The following KIF12 variants were observed in gnomAD, a reference collection of about 807,000 sequenced individuals.
KIF12 encodes the protein kinesin-like protein KIF12.
In KIF12, 80 loss-of-function variants were observed where a neutral mutation model predicts 87.9. The observed-to-expected ratio is 0.91, with a 90% confidence interval of 0.76 to 1.10. KIF12 has a LOEUF of 1.10. Among genes scored for constraint, KIF12 ranks in the 50% least tolerant of loss-of-function variants. KIF12 has a pLI of 0.00. For missense variants in KIF12, 819 were observed against 865.3 expected (o/e 0.95, Z 0.67); for synonymous variants, 353 against 348.5 (o/e 1.01, Z -0.14).
At position 114,091,922 on chromosome 9, in the gene KIF12, C is replaced by A. The variant is rs200697165; in HGVS notation, c.1895G>T (p.Arg632Leu). Residue 632 changes from arginine (R) to leucine (L), a missense_variant, in exon 19 of 19, where the codon CGC becomes CTC. Coordinates refer to ENST00000640217, the MANE Select transcript of KIF12 (RefSeq NM_001388308.1). ...DQIGSSLRRGRSQPPCSEGAR... is the reference protein window; with the variant it reads ...DQIGSSLRRGLSQPPCSEGAR... ...GCCCTCACTGCAGGGTGGCTGGCTG[C>A]GGCCACGTCGCAGGGAGCTGCCAAT... 2 of 1,612,474 alleles carry A rather than the reference C, an allele frequency of 1.2e-6. No homozygotes were observed. Among genetic ancestry groups the A allele is most frequent in the African/African-American group, 2.7e-5 (2 of 74,896 alleles).
At position 114,098,352 on chromosome 9, in the gene KIF12, G is replaced by C. The variant is rs1455008565; in HGVS notation, c.249C>G (p.Asp83Glu). Residue 83 changes from aspartate to glutamate, a missense_variant, in exon 4 of 19, where the codon GAC (aspartate) becomes GAG (glutamate). Asp to Glu is a conservative substitution (Grantham distance 45, BLOSUM62 2). Coordinates refer to ENST00000640217, the MANE Select transcript of KIF12 (RefSeq NM_001388308.1). Reference sequence around the variant, plus strand: ...GCCGCACGCCGCACGCCCGGAACACGTCCTCCTGCGTGCGCGCCGCGTCTA... The same window carrying C: ...GCCGCACGCCGCACGCCCGGAACACCTCCTCCTGCGTGCGCGCCGCGTCTA... ...AVLDAARTQE[D>E]VFRACGVRRL... is the part of the protein sequence containing the mutation. The C allele has an allele frequency of 1.3e-6, 2 of 1,497,884 alleles. No homozygotes were observed. Among genetic ancestry groups the C allele is most frequent in the African/African-American group, 2.9e-5 (2 of 68,192 alleles). The allele number at this position is 1,497,884 out of a possible 1,614,324, so 92.8% of individuals were successfully genotyped here.
chr9:114,098,844 GA>G, intron 3 of KIF12, 90 bp downstream of exon 3: 1 of 1,424,050 alleles, frequency 7.0e-7, no homozygotes. Context: ...CACTCCGGGG[GA>G]GCGCGGGGCC....
At position 114,098,397 on chromosome 9, in the gene KIF12, C is replaced by T. The variant is rs962677750; in HGVS notation, c.204G>A (p.Ala68=). The change falls in exon 4 of 19, where the codon GCG becomes GCA. Residue 68 remains alanine, a synonymous_variant. Transcript: ENST00000640217. ...VSPPGGGPEV[A]FRFGAVLDAA... Reference sequence around the variant, plus strand: ...CGTCTAGCACCGCACCGAAGCGGAACGCCACTTCTGGACCCCCGCCTGGAG... The same window carrying T: ...CGTCTAGCACCGCACCGAAGCGGAATGCCACTTCTGGACCCCCGCCTGGAG... 58 of 1,512,312 alleles carry T rather than the reference C, an allele frequency of 3.8e-5. No homozygotes were observed. Among genetic ancestry groups the T allele is most frequent in the Non-Finnish European group, 4.7e-5 (54 of 1,136,912 alleles). The allele number at this position is 1,512,312 out of a possible 1,614,324, so 93.7% of individuals were successfully genotyped here. A position where few individuals can be genotyped will look rare whatever the true frequency, so the allele number is the denominator to read the frequency against.
Position 114,099,159 on chromosome 9 carries a change from G to C in KIF12, c.37C>G (p.Arg13Gly). The C allele has an allele frequency of 6.4e-7, 1 of 1,550,656 alleles. No individual in the cohort carries two copies. The highest frequency in any genetic ancestry group is 8.7e-7 in the Non-Finnish European group (1 of 1,147,024). Reference sequence around the variant, plus strand: ...CCCTCTGGCCCTTGCTCCAGGCTCCGCGCGAGATCCCTGTGGGCAGCAATG... The same window carrying C: ...CCCTCTGGCCCTTGCTCCAGGCTCCCCGCGAGATCCCTGTGGGCAGCAATG... ...ERGSPDGDLA[R>G]SLEQGPEGPE... Residue 13 changes from arginine to glycine, a missense_variant, in exon 2 of 19, where the codon CGG becomes GGG. Coordinates refer to ENST00000640217, the MANE Select transcript of KIF12 (RefSeq NM_001388308.1).
Position 114,092,650 on chromosome 9 carries a change from A to G in KIF12, c.1597-8T>C, listed in dbSNP as rs1178828644. 1 of 1,578,592 alleles carries G rather than the reference A, an allele frequency of 6.3e-7. No homozygotes were observed. On this transcript the variant is annotated splice_region_variant and splice_polypyrimidine_tract_variant and intron_variant, in intron 16 of 18. Transcript: ENST00000640217. Reference sequence around the variant, plus strand: ...GGCCTCAGGGTCCAACACCTGTAGGAAAGACCAGAGTCCACTCTGGGTGAC... The same window carrying G: ...GGCCTCAGGGTCCAACACCTGTAGGGAAGACCAGAGTCCACTCTGGGTGAC...
chr9:114,097,368 G>C lies in KIF12; in HGVS notation c.579C>G (p.Phe193Leu). Residue 193 changes from phenylalanine (F) to leucine (L), a missense_variant, in exon 7 of 19, where the codon TTC becomes TTG. Physicochemically the swap from Phe to Leu is conservative, Grantham distance 22. Transcript: ENST00000640217. ...CCACCACCCGCAGCTGCTCCACATA[G>C]AAGCCCCGAGTCTTGTTCCAGCGAA... ...LPVRWNKTRG[F>L]YVEQLRVVEF... is the part of the protein sequence containing the mutation. The C allele has an allele frequency of 1.2e-6, 2 of 1,609,710 alleles. No homozygotes were observed. Among genetic ancestry groups the C allele is most frequent in the Non-Finnish European group, 1.7e-6 (2 of 1,178,986 alleles).
intron 3 of KIF12, 29 bp from the exon 4 acceptor site, chr9:114,098,458 C>A (rs1847333573): frequency 6.8e-6 from 10 of 1,477,502 alleles, no homozygotes; most frequent in East Asian, 5.3e-5. Flanking sequence ...AGGAGCGGGG[C>A]ACTCTGGAGG....
chr9:114,094,021 G>C, intron 13 of KIF12, 49 bp from the exon 14 acceptor site: 1 of 1,540,406 alleles, frequency 6.5e-7, no homozygotes, highest in Non-Finnish European at 9.0e-7. Context: ...GGCTGGGGTG[G>C]GGCATCAGTC....
intron 14 of KIF12, 133 bp downstream of exon 14, chr9:114,093,753 T>A (rs910344383): frequency 2.9e-5 from 22 of 751,270 alleles, no homozygotes; most frequent in Non-Finnish European, 4.0e-5. Flanking sequence ...ACACAGCTAG[T>A]AGGTGGCAGA....
Position 114,098,108 on chromosome 9 carries a change from C to A in KIF12, c.375+7G>T. The A allele has an allele frequency of 1.9e-6, 3 of 1,544,718 alleles. No individual in the cohort carries two copies. In the South Asian group the frequency reaches 3.6e-5, roughly 18 times the overall value. On this transcript the variant is annotated splice_region_variant and intron_variant, in intron 5 of 18. Coordinates refer to ENST00000640217, the MANE Select transcript of KIF12 (RefSeq NM_001388308.1). ...GCCCCGCGGGGGCGCCGCCGGCGCT[C>A]GCTCACCTGGGGAGGGGGTCCAGTC...
chr9:114,098,330 G>A lies in KIF12; in HGVS notation c.271C>T (p.Arg91Trp), dbSNP rs1776649298. The A allele has an allele frequency of 6.8e-7, 1 of 1,472,604 alleles. No individual in the cohort carries two copies. Among genetic ancestry groups the A allele is most frequent in the Admixed American group, 2.7e-5 (1 of 37,624 alleles). 91.2% of individuals were successfully genotyped at this position (1,472,604 alleles called of 1,614,324 possible). A position where few individuals can be genotyped will look rare whatever the true frequency, so the allele number is the denominator to read the frequency against. ...CGCAGCGCCAGCTCCCCCAGGCGCCGCACGCCGCACGCCCGGAACACGTCC... is the reference window on the plus strand; with the variant it reads ...CGCAGCGCCAGCTCCCCCAGGCGCCACACGCCGCACGCCCGGAACACGTCC... Reference protein sequence around the residue: ...QEDVFRACGVRRLGELALRGF... With the variant: ...QEDVFRACGVWRLGELALRGF... The change falls in exon 4 of 19, where the codon CGG becomes TGG. Residue 91 changes from arginine (R) to tryptophan (W), a missense_variant. Arg to Trp is a moderately radical substitution (Grantham distance 101). Transcript: ENST00000640217.
rs1847327265 is a variant in KIF12 at position 114,098,358 on chromosome 9, C to T, written c.243G>A (p.Gln81=). 1.3e-6 allele frequency: 2 copies of T among 1,498,538 alleles called. No individual in the cohort carries two copies. The highest frequency in any genetic ancestry group is 1.5e-5 in the African/African-American group (1 of 68,072). 92.8% of individuals were successfully genotyped at this position (1,498,538 alleles called of 1,614,324 possible). Residue 81 remains glutamine (Q), a synonymous_variant, in exon 4 of 19, where the codon CAG becomes CAA. Transcript: ENST00000640217. ...FGAVLDAART[Q]EDVFRACGVR... ...CGCCGCACGCCCGGAACACGTCCTC[C>T]TGCGTGCGCGCCGCGTCTAGCACCG...
rs1188600447 is a variant in KIF12 at position 114,092,006 on chromosome 9, G to A, written c.1817-6C>T. 6 of 1,608,976 alleles carry A rather than the reference G, an allele frequency of 3.7e-6. No individual in the cohort carries two copies. Among genetic ancestry groups the A allele is most frequent in the Non-Finnish European group, 5.1e-6 (6 of 1,178,010 alleles). ...GTTTGGAACCCCGGCCCCACCTAAG[G>A]AGCAGTGAGACTCGAGGCCTGCCCT... On this transcript the variant is annotated splice_polypyrimidine_tract_variant and splice_region_variant and intron_variant, in intron 18 of 18. Transcript: ENST00000640217.
chr9:114,093,784 G>A, intron 14 of KIF12, 102 bp downstream of exon 14: 1 of 973,756 alleles, frequency 1.0e-6, no homozygotes, highest in South Asian at 1.4e-5. Context: ...GAACCTAGTT[G>A]GTCTGAATCC....
At chr9:114,098,566 A>T in intron 3 of KIF12, 137 bp from the exon 4 acceptor site, 1 of 374,428 alleles carries the variant, frequency 2.7e-6, no homozygotes, top group Non-Finnish European at 4.3e-6. Context: ...CACCCTGGAG[A>T]AGGGTAGGGC....
chr9:114,095,773 G>A (rs1847199419), intron 9 of KIF12, among the ~76,000 whole-genome samples: 1 of 152,158 alleles, frequency 6.6e-6, no homozygotes, highest in Non-Finnish European at 1.5e-5. Flanking sequence ...CATGCCAAAT[G>A]TCTCTGAGGG....
intron 11 of KIF12, among the ~76,000 whole-genome samples, 157 bp downstream of exon 11, chr9:114,094,866 C>A (rs1847146694): frequency 6.6e-6 from 1 of 152,184 alleles, no homozygotes; most frequent in Non-Finnish European, 1.5e-5. Flanking sequence ...GACCCTGACC[C>A]CATCCTATAC....
intron 18 of KIF12, 35 bp downstream of exon 18, chr9:114,092,298 A>G: frequency 6.6e-7 from 1 of 1,517,036 alleles, no homozygotes; most frequent in East Asian, 2.3e-5. Flanking sequence ...GATCACAGAG[A>G]ACATTAGGGG....
chr9:114,096,679 T>C (rs1363534396), intron 7 of KIF12, among the ~76,000 whole-genome samples: 7 of 152,132 alleles, frequency 4.6e-5, no homozygotes, highest in Non-Finnish European at 1.0e-4. Context: ...TAGAGAAAAC[T>C]GAGCAGAAGA....
Sources: gnomAD v4.1 joint callset for allele counts (sites outside exome capture counted in the v4.1 genomes callset) on GRCh38, gnomAD v4.1.1 for gene constraint, MANE v1.5 for transcripts, NCBI Gene and HGNC (gene_info 2026-07-23, HGNC 2026-07-21) for gene names.